Variants in RMDN2 observed in about 807,000 individuals in gnomAD.
The protein encoded by RMDN2 is regulator of microtubule dynamics protein 2.
A neutral mutation model predicts 52.8 loss-of-function variants in RMDN2; 61 were observed. The observed-to-expected ratio is 1.16, with a 90% CI of 0.94 to 1.43. The LOEUF (loss-of-function observed/expected upper bound fraction) is 1.43. Among genes scored for constraint, RMDN2 ranks in the 40% most tolerant of loss-of-function variants. RMDN2 has a pLI of 0.00. For missense variants in RMDN2, 592 were observed against 475.3 expected, an observed-to-expected ratio of 1.25 and a Z score of -2.28; for synonymous variants, 180 against 153.1, an observed-to-expected ratio of 1.18 and a Z score of -1.30.
chr2:38,036,857 G>A (rs1261024041), intron 10 of RMDN2: 1 of 152,226 alleles, frequency 6.6e-6, no homozygotes, highest in Admixed American at 6.5e-5. Flanking sequence ...AATCTGATGG[G>A]AAAGTAACTA....
At chr2:37,921,637 T>A (rs568778058), upstream of RMDN2, among the ~76,000 whole-genome samples, 1 of 152,316 alleles carries the variant, frequency 6.6e-6, no homozygotes, top group South Asian at 2.1e-4. Context: ...AGGGCTATGA[T>A]GTTCTTGTAA....
At chr2:37,968,328 A>C (rs569841027) in intron 2 of RMDN2, among the ~76,000 whole-genome samples, 1 of 116,636 alleles carries the variant, frequency 8.6e-6, no homozygotes, top group Non-Finnish European at 1.7e-5. Context: ...CTGTAATCCC[A>C]GCTTGGGGGG....
At chr2:37,923,609 T>A (rs900769349), upstream of RMDN2, among the ~76,000 whole-genome samples, 4 of 152,230 alleles carry the variant, frequency 2.6e-5, no homozygotes, top group Non-Finnish European at 5.9e-5. Flanking sequence ...GTATTCTAGT[T>A]AAATAAAGCT....
chr2:38,055,062 C>G (rs1681802971), intron 10 of RMDN2, among the ~76,000 whole-genome samples: 1 of 152,148 alleles, frequency 6.6e-6, no homozygotes, highest in South Asian at 2.1e-4. Flanking sequence ...GTATTGCAAG[C>G]ATTGCTTATT....
chr2:38,011,724 C>T (rs1403399247), intron 10 of RMDN2, among the ~76,000 whole-genome samples: 3 of 152,138 alleles, frequency 2.0e-5, no homozygotes, highest in Non-Finnish European at 4.4e-5. Context: ...TAGAAGAGGC[C>T]AGGTGGCATC....
At chr2:38,041,260 C>A (rs933385072) in intron 10 of RMDN2, among the ~76,000 whole-genome samples, 1 of 152,108 alleles carries the variant, frequency 6.6e-6, no homozygotes, top group Admixed American at 6.6e-5. Context: ...CTACTACCTG[C>A]CCTCCTCTCC....
upstream of RMDN2, among the ~76,000 whole-genome samples, chr2:37,921,607 T>G (rs1666033344): frequency 6.6e-6 from 1 of 152,150 alleles, no homozygotes. Flanking sequence ...GGGATACAAA[T>G]GATGTAATAT....
chr2:38,049,402 C>G (rs1035102378), intron 10 of RMDN2, among the ~76,000 whole-genome samples: 3 of 152,088 alleles, frequency 2.0e-5, no homozygotes, highest in Non-Finnish European at 4.4e-5. Flanking sequence ...AGATGGCACC[C>G]CAGACTTCTC....
chr2:37,937,739 T>C (rs1667428693), intron 2 of RMDN2, among the ~76,000 whole-genome samples: 1 of 152,252 alleles, frequency 6.6e-6, no homozygotes, highest in African/African-American at 2.4e-5. Flanking sequence ...ACAATGATTT[T>C]GTATCCTGAG....
At position 38,014,212 on chromosome 2, in the gene RMDN2, C is replaced by CA. The variant is rs879467857; in HGVS notation, c.1180-2964dup. On this transcript the variant is annotated intron_variant, in intron 10 of 10. Coordinates refer to ENST00000354545, the MANE Select transcript of RMDN2 (RefSeq NM_001170791.3). ...GGGCAACAAGAGTGAAACTCCGTCGCAAAAAAAAAATTAATAAGGCTATTA... is the reference window on the plus strand; with the variant it reads ...GGGCAACAAGAGTGAAACTCCGTCGCAAAAAAAAAAATTAATAAGGCTATTA... Among the ~76,000 whole-genome samples the CA allele has an allele frequency of 4.7e-3, 694 of 147,424 alleles. 5 individuals are homozygous for CA. Among genetic ancestry groups the CA allele is most frequent in the African/African-American group, 0.016 (656 of 40,222 alleles).
intron 10 of RMDN2, among the ~76,000 whole-genome samples, chr2:38,024,034 A>G (rs1000640268): frequency 1.8e-4 from 27 of 152,156 alleles, no homozygotes; most frequent in Admixed American, 1.4e-3. Flanking sequence ...AAGTAGAATT[A>G]TGTGTTATAC....
At chr2:37,994,308 C>A (rs912949643) in intron 7 of RMDN2, among the ~76,000 whole-genome samples, 2 of 152,164 alleles carry the variant, frequency 1.3e-5, no homozygotes, top group African/African-American at 2.4e-5. Flanking sequence ...GAGCAAAATT[C>A]AGTGCTGCTT....
chr2:38,054,540 A>G (rs184688352), intron 10 of RMDN2, among the ~76,000 whole-genome samples: 1 of 152,374 alleles, frequency 6.6e-6, no homozygotes, highest in Non-Finnish European at 1.5e-5. Flanking sequence ...ATGGAGATGC[A>G]TGGTTAAAGA....
chr2:38,015,802 C>T (rs1441641220), intron 10 of RMDN2, among the ~76,000 whole-genome samples: 7 of 152,144 alleles, frequency 4.6e-5, no homozygotes, highest in Admixed American at 2.0e-4. Flanking sequence ...TACTGAGATT[C>T]GTAAGGGTGA....
At chr2:38,044,576 T>G (rs911348029) in intron 10 of RMDN2, among the ~76,000 whole-genome samples, 7 of 152,036 alleles carry the variant, frequency 4.6e-5, no homozygotes, top group African/African-American at 1.7e-4. Context: ...GTTTTCTTTT[T>G]TTTTTTCCAT....
At chr2:37,996,551 G>A (rs940320139) in intron 7 of RMDN2, among the ~76,000 whole-genome samples, 1 of 147,146 alleles carries the variant, frequency 6.8e-6, no homozygotes, top group Non-Finnish European at 1.5e-5. Flanking sequence ...GCCGCTGTAC[G>A]GTATGATCCA....
chr2:38,018,645 A>C (rs1679100676), downstream of RMDN2, among the ~76,000 whole-genome samples: 1 of 152,246 alleles, frequency 6.6e-6, no homozygotes, highest in Non-Finnish European at 1.5e-5. Flanking sequence ...GTATAAAAAT[A>C]AGCACAGAAG....
intron 7 of RMDN2, among the ~76,000 whole-genome samples, chr2:37,992,724 T>A (rs902708748): frequency 1.3e-5 from 2 of 152,172 alleles, no homozygotes; most frequent in Non-Finnish European, 2.9e-5. Context: ...AAACAAAGAA[T>A]AAAAAGCAGT....
chr2:37,927,005 A>C (rs1195671574), intron 1 of RMDN2, among the ~76,000 whole-genome samples: 2 of 151,870 alleles, frequency 1.3e-5, no homozygotes, highest in Admixed American at 6.6e-5. Flanking sequence ...ACTCTGATGT[A>C]TTTTGTACAT....
Sources: allele counts gnomAD v4.1 joint callset (sites outside exome capture counted in the v4.1 genomes callset), GRCh38; gene constraint gnomAD v4.1.1; transcripts MANE v1.5; gene names NCBI Gene and HGNC (gene_info 2026-07-23, HGNC 2026-07-21).